Variants in ABHD5 observed in about 807,000 individuals in gnomAD.
The protein encoded by ABHD5 is 1-acylglycerol-3-phosphate O-acyltransferase ABHD5.
In ABHD5, 30 loss-of-function variants were observed where a neutral mutation model predicts 44.9. The ratio of observed to expected loss-of-function variants is 0.67; its 90% CI spans 0.50 to 0.91. ABHD5 has a LOEUF of 0.91. Among genes scored for constraint, ABHD5 ranks in the 40% least tolerant of loss-of-function variants. The pLI, the probability that ABHD5 is intolerant of heterozygous loss-of-function variation, is 0.00. For missense variants in ABHD5, 399 were observed against 423.4 expected (o/e 0.94, Z 0.50); for synonymous variants, 167 against 147.0 (o/e 1.14, Z -0.99).
intron 5 of ABHD5, among the ~76,000 whole-genome samples, chr3:43,717,074 G>T (rs1444252026): frequency 1.3e-5 from 2 of 152,256 alleles, no homozygotes; most frequent in Middle Eastern, 3.4e-3. Flanking sequence ...AGGAGGCTGA[G>T]GCAGGAGAAT....
rs150916293 is a variant in ABHD5, at chr3:43,712,737, T to G, written c.661+874T>G. On this transcript the variant is annotated intron_variant, in intron 4 of 6. Coordinates refer to ENST00000644371, the MANE Select transcript of ABHD5 (RefSeq NM_016006.6). Reference sequence around the variant, plus strand: ...GGTCTGTGTCTGTGATTTTCTTGACTTTTTTCCTCACGGTGGTTTGATGCC... The same window carrying G: ...GGTCTGTGTCTGTGATTTTCTTGACGTTTTTCCTCACGGTGGTTTGATGCC... 3.1e-3 allele frequency among the ~76,000 whole-genome samples: 478 copies of G among 152,274 alleles called. 1 individual carries two copies. Among genetic ancestry groups the G allele is most frequent in the African/African-American group, 0.011 (462 of 41,556 alleles).
chr3:43,723,072 A>G (rs2084854350), downstream of ABHD5, among the ~76,000 whole-genome samples: 1 of 152,194 alleles, frequency 6.6e-6, no homozygotes, highest in Non-Finnish European at 1.5e-5. Context: ...AGGTCATGTC[A>G]AAAGGACCCA....
chr3:43,708,510 A>T (rs2084649823), intron 3 of ABHD5, among the ~76,000 whole-genome samples: 2 of 152,334 alleles, frequency 1.3e-5, no homozygotes, highest in African/African-American at 4.8e-5. Flanking sequence ...CTTCTGAAGA[A>T]TAAATACCTG....
chr3:43,697,495 G>A lies in ABHD5; in HGVS notation c.48-1781G>A, dbSNP rs553942971. Among the ~76,000 whole-genome samples the A allele has an allele frequency of 9.2e-5, 14 of 152,234 alleles. No individual in the cohort carries two copies. The South Asian group carries it at 2.9e-3, about 32-fold the overall frequency. On this transcript the variant is annotated intron_variant, in intron 1 of 6. Coordinates refer to ENST00000644371, the MANE Select transcript of ABHD5 (RefSeq NM_016006.6). Reference sequence around the variant, plus strand: ...TGGTTAAATATAGACCTAATGGCTGGTCAAGGACAAAAGAGCTTCACCTTT... The same window carrying A: ...TGGTTAAATATAGACCTAATGGCTGATCAAGGACAAAAGAGCTTCACCTTT...
rs1447141712 is a variant in ABHD5, at chr3:43,733,749, A to G, written c.*30-131A>G. The stretch of plus-strand genomic sequence containing the variant: ...CGTATTTGGGGTACATATTTTCACA[A>G]CCATCCTGGCATAAATTTTAAAATC... On this transcript the variant is annotated intron_variant, in intron 7 of 7. Coordinates refer to the ABHD5 transcript ENST00000454293. 4 of 152,358 alleles carry G rather than the reference A, an allele frequency of 2.6e-5. No individual in the cohort carries two copies. In the East Asian group the frequency reaches 5.8e-4, roughly 22 times the overall value. The allele number at this position is 152,358 out of a possible 1,614,324, so 9.4% of individuals were successfully genotyped here.
At chr3:43,716,944 G>A (rs914684031) in intron 5 of ABHD5, among the ~76,000 whole-genome samples, 23 of 152,174 alleles carry the variant, frequency 1.5e-4, no homozygotes, top group African/African-American at 4.8e-4. Flanking sequence ...AGGCCGAGGC[G>A]GGCAGATCAC....
chr3:43,730,504 T>C (rs1275911293), intron 7 of ABHD5, among the ~76,000 whole-genome samples: 3 of 134,396 alleles, frequency 2.2e-5, no homozygotes, highest in African/African-American at 5.8e-5. Flanking sequence ...AATCCCTTTT[T>C]TTTTTTTTTT....
At chr3:43,698,626 T>C (rs1352707088) in intron 1 of ABHD5, among the ~76,000 whole-genome samples, 5 of 152,220 alleles carry the variant, frequency 3.3e-5, no homozygotes, top group African/African-American at 1.2e-4. Flanking sequence ...TTTGTTGTGC[T>C]GTCTTCTGAT....
intron 2 of ABHD5, among the ~76,000 whole-genome samples, chr3:43,700,350 GT>G (rs2084526402): frequency 6.6e-6 from 1 of 151,964 alleles, no homozygotes; most frequent in Non-Finnish European, 1.5e-5. Flanking sequence ...CTAAGTAGTG[GT>G]ACTTATTGTG....
At chr3:43,723,758 G>C (rs2149610242), downstream of ABHD5, among the ~76,000 whole-genome samples, 1 of 150,470 alleles carries the variant, frequency 6.6e-6, no homozygotes, top group East Asian at 2.0e-4. Flanking sequence ...CAAAATAAAA[G>C]TGTTAATAGG....
intron 6 of ABHD5, among the ~76,000 whole-genome samples, chr3:43,718,237 A>G (rs1468234377): frequency 6.6e-6 from 1 of 152,134 alleles, no homozygotes; most frequent in African/African-American, 2.4e-5. Context: ...TTAAAATTTT[A>G]TTGAGATTCA....
chr3:43,715,248 C>T (rs1292776157), intron 5 of ABHD5, among the ~76,000 whole-genome samples, 190 bp downstream of exon 5: 1 of 152,094 alleles, frequency 6.6e-6, no homozygotes, highest in African/African-American at 2.4e-5. Context: ...ACAACCTCCG[C>T]GTCCTGGGTT....
rs758048276 is a variant in ABHD5 at position 43,702,274 on chromosome 3, A to G, written c.193A>G (p.Thr65Ala). 1 of 1,600,396 alleles carries G rather than the reference A, an allele frequency of 6.2e-7. No individual in the cohort carries two copies. The highest frequency in any genetic ancestry group is 8.5e-7 in the Non-Finnish European group (1 of 1,170,426). The change falls in exon 3 of 7, where the codon ACA becomes GCA. Residue 65 changes from threonine to alanine, a missense_variant. Thr to Ala is a moderately conservative substitution (Grantham distance 58). Transcript: ENST00000644371. ...VRISNGNKIWTLKFSHNISNK... is the reference protein window; with the variant it reads ...VRISNGNKIWALKFSHNISNK... ...TATATCTAATGGAAATAAAATATGGACACTGAAGTTCTCTCATAATATTTC... is the reference window on the plus strand; with the variant it reads ...TATATCTAATGGAAATAAAATATGGGCACTGAAGTTCTCTCATAATATTTC...
Position 43,690,970 on chromosome 3 carries a change from C to T in ABHD5, c.-23C>T, listed in dbSNP as rs779262076. 3.8e-6 allele frequency: 6 copies of T among 1,567,944 alleles called. No homozygotes were observed. The highest frequency in any genetic ancestry group is 1.2e-5 in the South Asian group (1 of 86,760). On this transcript the variant is annotated 5_prime_UTR_variant, in exon 1 of 7. Coordinates refer to ENST00000644371, the MANE Select transcript of ABHD5 (RefSeq NM_016006.6). ...CTGTCAGCCGGCTTCGAGATAAGTC[C>T]CGGCGCTTGCGCGGCGGCGGCTATG...
At chr3:43,691,306 G>T in intron 1 of ABHD5, 1 of 334,614 alleles carries the variant, frequency 3.0e-6, no homozygotes, top group Non-Finnish European at 5.4e-6. Context: ...ACCCCGCGCG[G>T]AGGGTCCGCC....
At position 43,721,807 on chromosome 3, in the gene ABHD5, G is replaced by A. The variant is rs2084839984; in HGVS notation, c.*3275G>A. The A allele has an allele frequency of 6.6e-6, 1 of 152,084 alleles. No individual in the cohort carries two copies. The highest frequency in any genetic ancestry group is 6.6e-5 in the Admixed American group (1 of 15,264). 9.4% of individuals were successfully genotyped at this position (152,084 alleles called of 1,614,324 possible). ...ACTATGAGAAGAACCCGAAGAATAG[G>A]CAAAAGGATGTGAACAGACAGTTAA... On this transcript the variant is annotated 3_prime_UTR_variant, in exon 7 of 7. Transcript: ENST00000644371.
In ABHD5 at chr3:43,720,638, C is replaced by G. The variant is rs1328248285; in HGVS notation, c.*2106C>G. The G allele has an allele frequency of 6.6e-6, 1 of 152,122 alleles. No homozygotes were observed. Among genetic ancestry groups the G allele is most frequent in the Non-Finnish European group, 1.5e-5 (1 of 68,010 alleles). 9.4% of individuals were successfully genotyped at this position (152,122 alleles called of 1,614,324 possible). A position where few individuals can be genotyped will look rare whatever the true frequency, so the allele number is the denominator to read the frequency against. On this transcript the variant is annotated 3_prime_UTR_variant, in exon 7 of 7. Coordinates refer to ENST00000644371, the MANE Select transcript of ABHD5 (RefSeq NM_016006.6). ...TTAAAAATCTAGTACAGCATTTGATCTTTGTTATGCACAGCATACTTTTAT... is the reference window on the plus strand; with the variant it reads ...TTAAAAATCTAGTACAGCATTTGATGTTTGTTATGCACAGCATACTTTTAT...
chr3:43,696,906 T>TA (rs368873010), intron 1 of ABHD5, among the ~76,000 whole-genome samples: 3,221 of 152,314 alleles, frequency 0.021, 55 homozygotes, highest in South Asian at 0.092. Context: ...AAACCCACTT[T>TA]AAAAAATCAC....
Position 43,732,668 on chromosome 3 carries a change from G to A in ABHD5, c.*30-1212G>A, listed in dbSNP as rs372603639. ...GTAAAGGTAAGCACAATATTTAAAG[G>A]TAACTGCAAAATTAGTGACTTACCC... On this transcript the variant is annotated intron_variant, in intron 7 of 7. Transcript: ENST00000454293. Among the ~76,000 whole-genome samples, 82 of 152,228 alleles carry A rather than the reference G, an allele frequency of 5.4e-4. 1 individual carries two copies. The highest frequency in any genetic ancestry group is 3.1e-3 in the South Asian group (15 of 4,806).
Sources: gnomAD v4.1 joint callset for allele counts (sites outside exome capture counted in the v4.1 genomes callset) on GRCh38, gnomAD v4.1.1 for gene constraint, MANE v1.5 for transcripts, NCBI Gene and HGNC (gene_info 2026-07-23, HGNC 2026-07-21) for gene names.